The following KNTC1 variants were observed in gnomAD, a reference collection of about 807,000 sequenced individuals.
KNTC1 encodes kinetochore associated 1, also known as kinetochore-associated protein 1.
KNTC1 carries 253 observed loss-of-function variants against 314.4 expected under a neutral mutation model. The ratio of observed to expected loss-of-function variants is 0.80; its 90% CI spans 0.73 to 0.89. KNTC1 has a LOEUF of 0.89. KNTC1 is among the 40% of genes least tolerant of loss of function. The pLI is 0.00. For synonymous variants in KNTC1, 901 were observed against 901.4 expected (o/e 1.00, Z 0.01); for missense variants, 2,475 against 2,572.9 (o/e 0.96, Z 0.82).
intron 36 of KNTC1, 136 bp downstream of exon 36, chr12:122,585,126 C>G (rs1024195881): frequency 3.1e-5 from 19 of 615,702 alleles, no homozygotes; most frequent in African/African-American, 2.8e-4. Flanking sequence ...CAGTCTTGAA[C>G]TGGGCTTAAG....
At chr12:122,563,573 AT>A (rs959721186) in intron 20 of KNTC1, among the ~76,000 whole-genome samples, 1 of 150,906 alleles carries the variant, frequency 6.6e-6, no homozygotes, top group Non-Finnish European at 1.5e-5. Flanking sequence ...AGCCACAATT[AT>A]TTTTTTTTCC....
intron 11 of KNTC1, 48 bp downstream of exon 11, chr12:122,547,578 G>GACAA: frequency 8.8e-7 from 1 of 1,140,826 alleles, no homozygotes; most frequent in Non-Finnish European, 1.3e-6. Context: ...GTTAGTACCA[G>GACAA]GTATCTTGTC....
Position 122,610,882 on chromosome 12 carries a change from T to C in KNTC1, c.5604T>C (p.Phe1868=). 1 of 1,612,494 alleles carries C rather than the reference T, an allele frequency of 6.2e-7. No individual in the cohort carries two copies. Among genetic ancestry groups the C allele is most frequent in the Non-Finnish European group, 8.5e-7 (1 of 1,178,582 alleles). Residue 1868 remains phenylalanine, a synonymous_variant, in exon 53 of 64, where the codon TTT becomes TTC. Transcript: ENST00000333479. ...ATAGTTCAAGAATGCTGTTTGTATTTGCAACATCAACTACAACCGTAAGCT... is the reference window on the plus strand; with the variant it reads ...ATAGTTCAAGAATGCTGTTTGTATTCGCAACATCAACTACAACCGTAAGCT... ...IDYSSRMLFV[F]ATSTTTTLGM... is the part of the protein sequence containing the mutation.
intron 18 of KNTC1, among the ~76,000 whole-genome samples, chr12:122,559,171 A>G (rs1292898957): frequency 6.7e-6 from 1 of 149,240 alleles, no homozygotes; most frequent in Non-Finnish European, 1.5e-5. Flanking sequence ...ACATGGTGAA[A>G]CCCCGTCTCT....
At position 122,602,885 on chromosome 12, in the gene KNTC1, A is replaced by G; in HGVS notation, c.4882A>G (p.Lys1628Glu). 1 of 1,599,946 alleles carries G rather than the reference A, an allele frequency of 6.3e-7. No homozygotes were observed. Among genetic ancestry groups the G allele is most frequent in the Non-Finnish European group, 8.6e-7 (1 of 1,167,490 alleles). ...ATTGCTCTTAATTTCGAAATTAATG[A>G]AGGTAATGGATTAAAACATTGTAAG... is the stretch of plus-strand genomic sequence containing the variant. ...PTLLLISKLMKFSLDTLYVST... is the reference protein window; with the variant it reads ...PTLLLISKLMEFSLDTLYVST... The change falls in exon 47 of 64, where the codon AAG (lysine) becomes GAG (glutamate). Residue 1628 changes from lysine to glutamate, a missense_variant and splice_region_variant. Transcript: ENST00000333479.
chr12:122,557,398 C>T lies in KNTC1; in HGVS notation c.1287C>T (p.Val429=). ...FGLDVELVYK[V]KSNHILEKLA... ...TTATATTACAGCTTGTTTACAAGGTCAAGTCAAATCATATATTGGAGAAAC... is the reference window on the plus strand; with the variant it reads ...TTATATTACAGCTTGTTTACAAGGTTAAGTCAAATCATATATTGGAGAAAC... The change falls in exon 17 of 64, where the codon GTC becomes GTT. Residue 429 remains valine, a synonymous_variant. Coordinates refer to ENST00000333479, the MANE Select transcript of KNTC1 (RefSeq NM_014708.6). 2 of 1,612,674 alleles carry T rather than the reference C, an allele frequency of 1.2e-6. No homozygotes were observed. Among genetic ancestry groups the T allele is most frequent in the East Asian group, 4.5e-5 (2 of 44,862 alleles).
chr12:122,577,977 G>A (rs1965144153), intron 31 of KNTC1, among the ~76,000 whole-genome samples, 186 bp downstream of exon 31: 1 of 152,164 alleles, frequency 6.6e-6, no homozygotes, highest in Non-Finnish European at 1.5e-5. Context: ...CCTTGGAGCG[G>A]CTGCTTGAGC....
chr12:122,603,108 C>G lies in KNTC1; in HGVS notation c.4966C>G (p.Gln1656Glu). 1 of 1,613,828 alleles carries G rather than the reference C, an allele frequency of 6.2e-7. No homozygotes were observed. The highest frequency in any genetic ancestry group is 8.5e-7 in the Non-Finnish European group (1 of 1,179,832). Residue 1656 changes from glutamine to glutamate, a missense_variant, in exon 48 of 64, where the codon CAA (glutamine) becomes GAA (glutamate). Gln to Glu is a conservative substitution (Grantham distance 29). Coordinates refer to ENST00000333479, the MANE Select transcript of KNTC1 (RefSeq NM_014708.6). The stretch of plus-strand genomic sequence containing the variant: ...GAAGCCAAAGCTCCTGAAGTTAACA[C>G]AAGCTAAATCCTCAACACTGATTAA... The part of the protein sequence containing the change: ...KLKPKLLKLT[Q>E]AKSSTLINKE...
intron 20 of KNTC1, among the ~76,000 whole-genome samples, chr12:122,567,362 G>A (rs540476782): frequency 3.3e-5 from 5 of 151,758 alleles, no homozygotes; most frequent in East Asian, 2.0e-4. Context: ...GAGCCACCAC[G>A]ATCAGCTGAT....
chr12:122,620,756 G>A (rs1874342608), intron 60 of KNTC1, 148 bp downstream of exon 60: 3 of 809,898 alleles, frequency 3.7e-6, no homozygotes, highest in Non-Finnish European at 1.9e-6. Flanking sequence ...GGGCTTAGTG[G>A]GAGGTAAGAC....
chr12:122,563,093 A>G (rs1384508034), intron 20 of KNTC1, among the ~76,000 whole-genome samples: 1 of 152,064 alleles, frequency 6.6e-6, no homozygotes, highest in East Asian at 1.9e-4. Flanking sequence ...CTCTTGCTGA[A>G]TTTGTGTTTC....
intron 61 of KNTC1, 94 bp from the exon 62 acceptor site, chr12:122,622,368 T>C (rs1874531387): frequency 5.3e-6 from 6 of 1,141,608 alleles, no homozygotes; most frequent in South Asian, 3.0e-5. Flanking sequence ...TGTTTTGATA[T>C]TGAATAAAGG....
At chr12:122,572,817 A>G in intron 24 of KNTC1, 120 bp from the exon 25 acceptor site, 1 of 736,632 alleles carries the variant, frequency 1.4e-6, no homozygotes, top group Non-Finnish European at 2.1e-6. Context: ...TTAAAGTTGC[A>G]GGTTTCCTCT....
chr12:122,542,009 A>G (rs372666660), intron 5 of KNTC1, 41 bp from the exon 6 acceptor site: 4 of 1,481,344 alleles, frequency 2.7e-6, no homozygotes, highest in Non-Finnish European at 3.6e-6. Context: ...ATGAGACTCC[A>G]TCTCAAAAAA....
intron 59 of KNTC1, among the ~76,000 whole-genome samples, chr12:122,618,909 G>A (rs927284636): frequency 1.1e-4 from 17 of 151,644 alleles, no homozygotes; most frequent in Admixed American, 9.9e-4. Flanking sequence ...GTGAGTAGCT[G>A]GGATTACAGG....
At chr12:122,537,283 G>A (rs1285835961) in intron 3 of KNTC1, among the ~76,000 whole-genome samples, 1 of 152,100 alleles carries the variant, frequency 6.6e-6, no homozygotes, top group Admixed American at 6.6e-5. Flanking sequence ...CATGTCTCCT[G>A]TGAGCTTTCT....
intron 21 of KNTC1, 31 bp from the exon 22 acceptor site, chr12:122,569,650 A>T: frequency 6.3e-7 from 1 of 1,583,946 alleles, no homozygotes; most frequent in African/African-American, 1.4e-5. Flanking sequence ...TAAATTTGTC[A>T]GATCTTAATT....
intron 43 of KNTC1, among the ~76,000 whole-genome samples, chr12:122,595,662 GA>G (rs1182677394): frequency 3.9e-5 from 6 of 152,200 alleles, no homozygotes; most frequent in Non-Finnish European, 2.9e-5. Flanking sequence ...AGAGTAGTTT[GA>G]AATAACAAAA....
chr12:122,591,539 T>A, intron 42 of KNTC1, 86 bp downstream of exon 42: 1 of 787,698 alleles, frequency 1.3e-6, no homozygotes, highest in Non-Finnish European at 2.2e-6. Context: ...TTCTTTACTT[T>A]TGGGAGGAGA....
Sources: gnomAD v4.1 joint callset for allele counts (sites outside exome capture counted in the v4.1 genomes callset) on GRCh38, gnomAD v4.1.1 for gene constraint, MANE v1.5 for transcripts, NCBI Gene and HGNC (gene_info 2026-07-23, HGNC 2026-07-21) for gene names.